Variants in SLC37A2 observed in about 807,000 individuals in gnomAD.
SLC37A2 encodes glucose-6-phosphate exchanger SLC37A2.
In SLC37A2, 59 loss-of-function variants were observed where a neutral mutation model predicts 70.7. That is an observed-to-expected ratio of 0.83 (90% CI 0.68 to 1.04). SLC37A2 has a LOEUF of 1.04. Ranked by LOEUF, SLC37A2 falls within the 50% of genes least tolerant of loss-of-function variation. SLC37A2 has a pLI of 0.00. For synonymous variants in SLC37A2, 257 were observed against 262.1 expected, an observed-to-expected ratio of 0.98 and a Z score of 0.19; for missense variants, 580 against 658.1, an observed-to-expected ratio of 0.88 and a Z score of 1.30.
At chr11:125,075,684 G>A (rs1468433091) in intron 1 of SLC37A2, among the ~76,000 whole-genome samples, 2 of 152,250 alleles carry the variant, frequency 1.3e-5, no homozygotes, top group African/African-American at 4.8e-5. Context: ...TCGCTGAAAT[G>A]CCCCTTTGTT....
intron 12 of SLC37A2, 33 bp downstream of exon 12, chr11:125,084,352 C>T (rs747882305): frequency 6.2e-7 from 1 of 1,606,418 alleles, no homozygotes; most frequent in East Asian, 2.2e-5. Flanking sequence ...AGTGCGAATG[C>T]ATGTGAGCAG....
At chr11:125,072,852 TCTGACTATGCCATG>T (rs1159329291) in intron 1 of SLC37A2, among the ~76,000 whole-genome samples, 1 of 152,160 alleles carries the variant, frequency 6.6e-6, no homozygotes, top group Non-Finnish European at 1.5e-5. Context: ...GAGGCCCAGC[TCTGACTATGCCATG>T]CCCAGCGAGT....
intron 11 of SLC37A2, 70 bp from the exon 12 acceptor site, chr11:125,084,164 C>G (rs577943913): frequency 1.3e-6 from 2 of 1,558,958 alleles, no homozygotes; most frequent in Non-Finnish European, 1.8e-6. Context: ...TGGGGCACAG[C>G]TGGGGTGCCA....
Position 125,063,522 on chromosome 11 carries a change from C to A in SLC37A2, c.59+96C>A, listed in dbSNP as rs1056276834. ...CTCGGAGATCACCCCAGATCGGCCC[C>A]GGCGTCGCCGCGTGGCCAGGGGTGC... is the stretch of plus-strand genomic sequence containing the variant. On this transcript the variant is annotated intron_variant, in intron 1 of 17. Coordinates refer to ENST00000403796, the MANE Select transcript of SLC37A2 (RefSeq NM_001145290.2). This position sits in a 1 kb window ranked among gnomAD's most constrained non-coding sequence, Gnocchi z 5.4. The A allele has an allele frequency of 2.5e-5, 30 of 1,183,884 alleles. No individual in the cohort carries two copies. The highest frequency in any genetic ancestry group is 6.3e-5 in the African/African-American group (4 of 63,066). The allele number at this position is 1,183,884 out of a possible 1,614,324, so 73.3% of individuals were successfully genotyped here. A position where few individuals can be genotyped will look rare whatever the true frequency, so the allele number is the denominator to read the frequency against.
chr11:125,088,256 A>C lies in SLC37A2; in HGVS notation c.*122A>C, dbSNP rs1029736245. The C allele has an allele frequency of 8.6e-7, 1 of 1,161,704 alleles. No individual in the cohort carries two copies. The highest frequency in any genetic ancestry group is 1.5e-5 in the African/African-American group (1 of 65,032). The allele number at this position is 1,161,704 out of a possible 1,614,324, so 72.0% of individuals were successfully genotyped here. On this transcript the variant is annotated 3_prime_UTR_variant, in exon 18 of 18. Coordinates refer to ENST00000403796, the MANE Select transcript of SLC37A2 (RefSeq NM_001145290.2). ...AAACCCTCTTTATTGAACATTAGCC[A>C]GCCCAGCCCAGACCCCAGGGCTGCC...
At chr11:125,067,669 C>G (rs1473510901) in intron 1 of SLC37A2, among the ~76,000 whole-genome samples, 1 of 152,138 alleles carries the variant, frequency 6.6e-6, no homozygotes, top group Non-Finnish European at 1.5e-5. Context: ...TATTCACAAA[C>G]TTATCAAGAT....
rs1949263728 is a variant in SLC37A2, at chr11:125,089,726, C to T, written c.*1592C>T. The T allele has an allele frequency of 6.5e-6, 1 of 153,496 alleles. No homozygotes were observed. Among genetic ancestry groups the T allele is most frequent in the Non-Finnish European group, 1.4e-5 (1 of 69,010 alleles). 9.5% of individuals were successfully genotyped at this position (153,496 alleles called of 1,614,324 possible). A position where few individuals can be genotyped will look rare whatever the true frequency, so the allele number is the denominator to read the frequency against. On this transcript the variant is annotated 3_prime_UTR_variant, in exon 18 of 18. Coordinates refer to ENST00000403796, the MANE Select transcript of SLC37A2 (RefSeq NM_001145290.2). Reference sequence around the variant, plus strand: ...TGATTTCTCGCTGGGCCTTAGCTGCCTTCCCGCGGGGCAGGGCTCGGGACC... The same window carrying T: ...TGATTTCTCGCTGGGCCTTAGCTGCTTTCCCGCGGGGCAGGGCTCGGGACC...
chr11:125,082,229 T>C lies in SLC37A2; in HGVS notation c.886-15T>C, dbSNP rs772670541. On this transcript the variant is annotated splice_polypyrimidine_tract_variant and intron_variant, in intron 9 of 17. Coordinates refer to ENST00000403796, the MANE Select transcript of SLC37A2 (RefSeq NM_001145290.2). ...TCTGGACCCCTTCCCATGTGCCCCC[T>C]GTTGCACTCCCCAGGGCGTGGTCGA... The C allele has an allele frequency of 3.3e-5, 54 of 1,613,774 alleles. No homozygotes were observed. In the South Asian group the frequency reaches 5.6e-4, roughly 17 times the overall value.
chr11:125,071,537 T>G (rs540336502), intron 1 of SLC37A2, among the ~76,000 whole-genome samples: 2 of 152,342 alleles, frequency 1.3e-5, no homozygotes, highest in East Asian at 3.9e-4. Context: ...GCCACCAGTC[T>G]CTTCTCAAAT....
intron 12 of SLC37A2, among the ~76,000 whole-genome samples, 154 bp from the exon 13 acceptor site, chr11:125,084,671 G>C (rs140726957): frequency 1.3e-5 from 2 of 152,340 alleles, no homozygotes; most frequent in African/African-American, 4.8e-5. Context: ...CCATCCCTGG[G>C]ACATTTAAAG....
At chr11:125,086,457 C>T (rs1591635804) in intron 17 of SLC37A2, 1 of 593,972 alleles carries the variant, frequency 1.7e-6, no homozygotes, top group East Asian at 2.9e-5. Flanking sequence ...AGGTTGGTGG[C>T]CTCTTCCCTG....
In SLC37A2 at chr11:125,064,365, T is replaced by TA. The variant is rs372968882; in HGVS notation, c.59+946dup. Among the ~76,000 whole-genome samples the TA allele has an allele frequency of 2.5e-3, 371 of 150,934 alleles. 2 individuals are homozygous for TA. Among genetic ancestry groups the TA allele is most frequent in the African/African-American group, 8.4e-3 (345 of 40,882 alleles). On this transcript the variant is annotated intron_variant, in intron 1 of 17. Coordinates refer to ENST00000403796, the MANE Select transcript of SLC37A2 (RefSeq NM_001145290.2). ...TCACACCCCTCCCTGTCTCTAGAAG[T>TA]AAAAAAAGGAAAGAAAAGAAAAATG... is the stretch of plus-strand genomic sequence containing the variant.
chr11:125,085,048 G>A lies in SLC37A2; in HGVS notation c.1175-18G>A, dbSNP rs1363407670. The A allele has an allele frequency of 3.1e-6, 5 of 1,613,624 alleles. No individual in the cohort carries two copies. Among genetic ancestry groups the A allele is most frequent in the Non-Finnish European group, 4.2e-6 (5 of 1,179,702 alleles). ...GGTGGTGCTGCTTCTCTGACTGGCT[G>A]TCTCTATGCTGTCCCAGTGATGCTG... On this transcript the variant is annotated intron_variant, in intron 13 of 17. Coordinates refer to ENST00000403796, the MANE Select transcript of SLC37A2 (RefSeq NM_001145290.2).
intron 1 of SLC37A2, among the ~76,000 whole-genome samples, chr11:125,064,628 A>T (rs980760997): frequency 6.6e-6 from 1 of 152,226 alleles, no homozygotes; most frequent in African/African-American, 2.4e-5. Flanking sequence ...TTATTTACCT[A>T]GTCTTTTTTG....
At chr11:125,086,643 C>A (rs1354573870) in intron 17 of SLC37A2, 1 of 298,710 alleles carries the variant, frequency 3.3e-6, no homozygotes, top group East Asian at 8.7e-5. Context: ...CAATCAAAGT[C>A]TCTGAAACAA....
chr11:125,078,168 A>G (rs141504978), intron 4 of SLC37A2, among the ~76,000 whole-genome samples: 93 of 152,352 alleles, frequency 6.1e-4, no homozygotes, highest in Non-Finnish European at 9.7e-4. Context: ...AAGGAATAGC[A>G]CGAGCAAGTA....
At chr11:125,070,407 T>C (rs765625569) in intron 1 of SLC37A2, among the ~76,000 whole-genome samples, 9 of 152,196 alleles carry the variant, frequency 5.9e-5, no homozygotes, top group Non-Finnish European at 1.2e-4. Context: ...TTAATCTTTA[T>C]AACACTCTCG....
At chr11:125,084,570 T>C (rs1949183860) in intron 12 of SLC37A2, among the ~76,000 whole-genome samples, 1 of 152,214 alleles carries the variant, frequency 6.6e-6, no homozygotes, top group South Asian at 2.1e-4. Context: ...CCTCCTAAAC[T>C]TCTTGATCAA....
At chr11:125,081,515 G>T in intron 8 of SLC37A2, 57 bp downstream of exon 8, 8 of 1,562,222 alleles carry the variant, frequency 5.1e-6, no homozygotes, top group Middle Eastern at 1.8e-4. Context: ...CAGAGGGCTG[G>T]ACCCGGAGAG....
Sources: allele counts gnomAD v4.1 joint callset (sites outside exome capture counted in the v4.1 genomes callset), GRCh38; gene constraint gnomAD v4.1.1; non-coding constraint Gnocchi (gnomAD v3.1); transcripts MANE v1.5; gene names NCBI Gene and HGNC (gene_info 2026-07-23, HGNC 2026-07-21).